The following NCKAP5 variants were observed in gnomAD, a reference collection of about 807,000 sequenced individuals.
NCKAP5 encodes the protein NCK associated protein 5.
A neutral mutation model predicts 167.0 loss-of-function variants in NCKAP5; 92 were observed. The ratio of observed to expected loss-of-function variants is 0.55; its 90% CI spans 0.47 to 0.66. The LOEUF (loss-of-function observed/expected upper bound fraction) is 0.66, where lower values mean the gene tolerates loss of function less well. Among genes scored for constraint, NCKAP5 ranks in the 30% least tolerant of loss-of-function variants. NCKAP5 has a pLI of 0.00. For synonymous variants in NCKAP5, 891 were observed against 877.4 expected, an observed-to-expected ratio of 1.02 and a Z score of -0.27; for missense variants, 2,378 against 2,315.0, an observed-to-expected ratio of 1.03 and a Z score of -0.56.
intron 7 of NCKAP5, among the ~76,000 whole-genome samples, chr2:132,993,310 T>G (rs894910727): frequency 1.3e-5 from 2 of 152,168 alleles, no homozygotes; most frequent in Non-Finnish European, 2.9e-5. Flanking sequence ...ACAGTGTCTG[T>G]GCTGTTTCTA....
intron 4 of NCKAP5, among the ~76,000 whole-genome samples, chr2:133,230,335 C>T (rs945974553): frequency 3.3e-5 from 5 of 152,142 alleles, no homozygotes; most frequent in African/African-American, 1.2e-4. Flanking sequence ...CTCTCTGTGC[C>T]TTAATGTCCT....
chr2:132,861,217 C>T (rs923574136), intron 10 of NCKAP5, among the ~76,000 whole-genome samples: 3 of 152,040 alleles, frequency 2.0e-5, no homozygotes, highest in African/African-American at 7.2e-5. Flanking sequence ...GGTCTCAGTG[C>T]TGGGTAAGAA....
intron 8 of NCKAP5, chr2:132,915,665 G>A (rs1250585144): frequency 1.3e-5 from 2 of 152,082 alleles, no homozygotes; most frequent in Admixed American, 1.3e-4. Context: ...TGTGTGTGAG[G>A]ATGTGTCAGT....
chr2:133,158,448 T>C (rs1326084281), intron 5 of NCKAP5, among the ~76,000 whole-genome samples: 1 of 152,236 alleles, frequency 6.6e-6, no homozygotes, highest in Non-Finnish European at 1.5e-5. Flanking sequence ...TCACTTTGAA[T>C]TATGATTTAA....
intron 4 of NCKAP5, among the ~76,000 whole-genome samples, chr2:133,255,771 T>C (rs981451023): frequency 4.6e-5 from 7 of 152,200 alleles, no homozygotes; most frequent in African/African-American, 1.7e-4. Context: ...GTATCTCTGG[T>C]AGTCTCAGCA....
intron 3 of NCKAP5, among the ~76,000 whole-genome samples, chr2:133,486,997 C>T (rs547695800): frequency 6.6e-6 from 1 of 152,284 alleles, no homozygotes; most frequent in South Asian, 2.1e-4. Flanking sequence ...CTCAGCCCAG[C>T]ACACTGCAGG....
chr2:133,106,292 CAAAAAAAAAA>C lies in NCKAP5; in HGVS notation c.341+23676_341+23685del, dbSNP rs10612612. Among the ~76,000 whole-genome samples, 2 of 76,854 alleles carry C rather than the reference CAAAAAAAAAA, an allele frequency of 2.6e-5. 1 individual carries two copies. Among genetic ancestry groups the C allele is most frequent in the African/African-American group, 8.9e-5 (2 of 22,550 alleles). The allele number at this position is 76,854 out of a possible 152,430, so 50.4% of individuals were successfully genotyped here. A position where few individuals can be genotyped will look rare whatever the true frequency, so the allele number is the denominator to read the frequency against. On this transcript the variant is annotated intron_variant, in intron 6 of 19. Transcript: ENST00000409261. ...TGGGCAACAGAGCCAGACTCCGTCT[CAAAAAAAAAA>C]AAAAAAAAAGGAAAACTACAGGAAG... is the stretch of plus-strand genomic sequence containing the variant.
chr2:133,009,722 T>C (rs73956095), intron 6 of NCKAP5, among the ~76,000 whole-genome samples: 2 of 152,238 alleles, frequency 1.3e-5, no homozygotes. Context: ...AATGTATTAA[T>C]GTATTAAGAG....
At chr2:133,185,730 T>C (rs1297152286) in intron 5 of NCKAP5, among the ~76,000 whole-genome samples, 2 of 152,032 alleles carry the variant, frequency 1.3e-5, no homozygotes, top group East Asian at 3.9e-4. Flanking sequence ...ATTTTGTAAA[T>C]GGGGTTGTAT....
chr2:132,812,196 T>C (rs1685931754), intron 11 of NCKAP5, among the ~76,000 whole-genome samples: 1 of 152,204 alleles, frequency 6.6e-6, no homozygotes, highest in Admixed American at 6.5e-5. Context: ...GCTGGTTTGT[T>C]CTTGCAGTTG....
At chr2:132,727,261 C>T (rs1690550236) in intron 18 of NCKAP5, among the ~76,000 whole-genome samples, 1 of 152,158 alleles carries the variant, frequency 6.6e-6, no homozygotes, top group African/African-American at 2.4e-5. Flanking sequence ...AACTCCTTTG[C>T]CATCAACACC....
chr2:133,639,291 A>G, the NCKAP5 span, among the ~76,000 whole-genome samples: 6 of 152,226 alleles, frequency 3.9e-5, no homozygotes, highest in African/African-American at 1.4e-4. Context: ...CTTAATATCT[A>G]CAATCCAGCA....
the NCKAP5 span, among the ~76,000 whole-genome samples, chr2:133,599,646 A>G: frequency 6.6e-6 from 1 of 152,188 alleles, no homozygotes; most frequent in Non-Finnish European, 1.5e-5. Context: ...GACTGTGTGG[A>G]CTGAAAAGAA....
chr2:133,648,913 CAAAT>C, the NCKAP5 span, among the ~76,000 whole-genome samples: 1 of 146,196 alleles, frequency 6.8e-6, no homozygotes, highest in Non-Finnish European at 1.5e-5. Flanking sequence ...CAAAAATAAA[CAAAT>C]AAATAATAGA....
chr2:132,766,751 T>C (rs1574130049), intron 16 of NCKAP5, among the ~76,000 whole-genome samples: 1 of 152,312 alleles, frequency 6.6e-6, no homozygotes, highest in East Asian at 1.9e-4. Flanking sequence ...ACCACAGCCA[T>C]CAACATTCTG....
intron 8 of NCKAP5, among the ~76,000 whole-genome samples, chr2:132,892,997 GAAA>G (rs76025687): frequency 0.084 from 9,057 of 107,648 alleles, 892 homozygotes; most frequent in African/African-American, 0.25. Flanking sequence ...TAAAAAAGCT[GAAA>G]AAAAAAAAAA....
the NCKAP5 span, among the ~76,000 whole-genome samples, chr2:133,674,278 C>A: frequency 1.3e-5 from 2 of 151,760 alleles, no homozygotes; most frequent in Non-Finnish European, 2.9e-5. Flanking sequence ...GCATAGTGTG[C>A]GGCTGGCTGC....
At chr2:133,397,567 C>T (rs1320211413) in intron 3 of NCKAP5, among the ~76,000 whole-genome samples, 1 of 152,160 alleles carries the variant, frequency 6.6e-6, no homozygotes, top group Admixed American at 6.5e-5. Context: ...TCTTTATTCT[C>T]AAAACCTCCT....
At chr2:133,084,103 A>T (rs2080902804) in intron 6 of NCKAP5, among the ~76,000 whole-genome samples, 1 of 152,134 alleles carries the variant, frequency 6.6e-6, no homozygotes, top group Admixed American at 6.5e-5. Context: ...TCAACAATGC[A>T]TGGAAGCATG....
Sources: gnomAD v4.1 joint callset for allele counts (sites outside exome capture counted in the v4.1 genomes callset) on GRCh38, gnomAD v4.1.1 for gene constraint, MANE v1.5 for transcripts, NCBI Gene and HGNC (gene_info 2026-07-23, HGNC 2026-07-21) for gene names.